Variants in LTBP1 observed in about 807,000 individuals in gnomAD.
LTBP1 encodes the protein latent-transforming growth factor beta-binding protein 1.
LTBP1 carries 129 observed loss-of-function variants against 207.6 expected under a neutral mutation model. That is an observed-to-expected ratio of 0.62 (90% CI 0.54 to 0.72). The LOEUF (loss-of-function observed/expected upper bound fraction) is 0.72. Among genes scored for constraint, LTBP1 ranks in the 30% least tolerant of loss-of-function variants. The pLI is 0.00. For synonymous variants in LTBP1, 963 were observed against 833.7 expected, an observed-to-expected ratio of 1.16 and a Z score of -2.67; for missense variants, 2,281 against 2,217.2, an observed-to-expected ratio of 1.03 and a Z score of -0.58.
At position 33,069,541 on chromosome 2, in the gene LTBP1, T is replaced by G. The variant is rs1369833757; in HGVS notation, c.864-41041T>G. Among the ~76,000 whole-genome samples, 3 of 152,192 alleles carry G rather than the reference T, an allele frequency of 2.0e-5. No homozygotes were observed. In the East Asian group the frequency reaches 5.8e-4, roughly 29 times the overall value. On this transcript the variant is annotated intron_variant, in intron 3 of 33. Transcript: ENST00000404816. ...GGGGTGAACAGAGGGCAGGTCAATG[T>G]TACCTGCTGACCTTGAAACCCTTGG...
chr2:33,391,887 G>A (rs2095317535), intron 32 of LTBP1, among the ~76,000 whole-genome samples: 1 of 152,212 alleles, frequency 6.6e-6, no homozygotes, highest in Non-Finnish European at 1.5e-5. Context: ...AAATTGAGAT[G>A]CAGTTCCAAG....
chr2:33,358,181 C>T (rs2094886875), intron 26 of LTBP1, among the ~76,000 whole-genome samples: 1 of 152,056 alleles, frequency 6.6e-6, no homozygotes, highest in African/African-American at 2.4e-5. Flanking sequence ...GCTGTATAAA[C>T]ATTGAACTTT....
At chr2:33,282,062 CATATATATAT>C (rs66505403) in intron 19 of LTBP1, among the ~76,000 whole-genome samples, 11 of 142,872 alleles carry the variant, frequency 7.7e-5, no homozygotes, top group Admixed American at 5.0e-4. Context: ...CCTATATGTG[CATATATATAT>C]ATATATATAT....
chr2:33,046,477 G>T (rs190327331), intron 3 of LTBP1, among the ~76,000 whole-genome samples: 2 of 152,156 alleles, frequency 1.3e-5, no homozygotes, highest in Non-Finnish European at 2.9e-5. Context: ...CTTGATCGTG[G>T]TGGATAAGCT....
intron 24 of LTBP1, among the ~76,000 whole-genome samples, chr2:33,339,834 G>A (rs1292350767): frequency 2.6e-5 from 4 of 151,692 alleles, no homozygotes; most frequent in African/African-American, 7.3e-5. Context: ...TAGTAGAGAC[G>A]GGGTTTCTCC....
At chr2:33,232,292 G>A (rs1443577861) in intron 9 of LTBP1, among the ~76,000 whole-genome samples, 1 of 152,162 alleles carries the variant, frequency 6.6e-6, no homozygotes, top group African/African-American at 2.4e-5. Context: ...GACAAATACA[G>A]AAGCATACAT....
intron 24 of LTBP1, among the ~76,000 whole-genome samples, chr2:33,330,166 A>G (rs1186846149): frequency 6.6e-6 from 1 of 152,002 alleles, no homozygotes; most frequent in Non-Finnish European, 1.5e-5. Flanking sequence ...TTACCCTTAT[A>G]ATTGTTTGTT....
At chr2:33,355,729 T>A (rs528825466) in intron 26 of LTBP1, among the ~76,000 whole-genome samples, 2 of 152,128 alleles carry the variant, frequency 1.3e-5, no homozygotes, top group Non-Finnish European at 2.9e-5. Context: ...CCCAGGCTCA[T>A]TTTCTCCAAT....
intron 3 of LTBP1, chr2:33,056,485 T>G: frequency 5.0e-6 from 4 of 804,508 alleles, no homozygotes; most frequent in South Asian, 2.2e-5. Context: ...TGATGAGGGA[T>G]GATGCGCGTC....
chr2:33,206,441 G>T (rs1366269826), intron 7 of LTBP1, among the ~76,000 whole-genome samples: 1 of 152,096 alleles, frequency 6.6e-6, no homozygotes, highest in African/African-American at 2.4e-5. Context: ...CAATATGGTT[G>T]TAGAAATAAG....
At chr2:33,207,430 A>G (rs2089967843) in intron 7 of LTBP1, among the ~76,000 whole-genome samples, 2 of 152,284 alleles carry the variant, frequency 1.3e-5, no homozygotes, top group South Asian at 4.1e-4. Flanking sequence ...ATATCAGAGG[A>G]TTATAGTTGT....
intron 24 of LTBP1, among the ~76,000 whole-genome samples, chr2:33,339,198 G>A (rs1325547914): frequency 6.6e-6 from 1 of 152,050 alleles, no homozygotes; most frequent in Admixed American, 6.6e-5. Context: ...GATTGGATTT[G>A]CTGATGAAGG....
At position 33,399,393 on chromosome 2, in the gene LTBP1, CAT is replaced by C. The variant is rs2095386271; in HGVS notation, c.*849_*850del. 6.6e-6 allele frequency: 1 copy of C among 152,146 alleles called. No individual in the cohort carries two copies. The highest frequency in any genetic ancestry group is 2.4e-5 in the African/African-American group (1 of 41,418). The allele number at this position is 152,146 out of a possible 1,614,324, so 9.4% of individuals were successfully genotyped here. A position where few individuals can be genotyped will look rare whatever the true frequency, so the allele number is the denominator to read the frequency against. The stretch of plus-strand genomic sequence containing the variant: ...ACCTGAGAGTAATTGTCAATGAGTA[CAT>C]GTGTATAAGTTGTATCCCACTCTCC... On this transcript the variant is annotated 3_prime_UTR_variant, in exon 34 of 34. Coordinates refer to ENST00000404816, the MANE Select transcript of LTBP1 (RefSeq NM_206943.4).
intron 14 of LTBP1, 27 bp from the exon 15 acceptor site, chr2:33,263,267 C>CT (rs776254629): frequency 2.8e-6 from 4 of 1,440,020 alleles, no homozygotes; most frequent in Non-Finnish European, 3.9e-6. Flanking sequence ...CTTTAATTTT[C>CT]TTTTTATCCT....
At chr2:33,043,950 G>T (rs545607496) in intron 3 of LTBP1, among the ~76,000 whole-genome samples, 1 of 152,082 alleles carries the variant, frequency 6.6e-6, no homozygotes, top group Non-Finnish European at 1.5e-5. Context: ...GAGAAGGCAG[G>T]CTGTGCCCTA....
In LTBP1 at chr2:33,182,729, CACACACAGACAT is replaced by C. The variant is rs1353547879; in HGVS notation, c.1202-4125_1202-4114del. The stretch of plus-strand genomic sequence containing the variant: ...ACACACACACACACACACACACACA[CACACACAGACAT>C]ATATATGTATGTATGTGTACACATA... On this transcript the variant is annotated intron_variant, in intron 5 of 33. Transcript: ENST00000404816. Among the ~76,000 whole-genome samples, 26 of 97,728 alleles carry C rather than the reference CACACACAGACAT, an allele frequency of 2.7e-4. 7 individuals carry two copies. The highest frequency in any genetic ancestry group is 3.9e-4 in the Non-Finnish European group (18 of 46,132). 64.1% of individuals were successfully genotyped at this position (97,728 alleles called of 152,430 possible).
intron 7 of LTBP1, among the ~76,000 whole-genome samples, chr2:33,195,677 T>G (rs938420550): frequency 2.0e-5 from 3 of 152,222 alleles, no homozygotes; most frequent in Admixed American, 2.0e-4. Flanking sequence ...ACAATGGATT[T>G]AGAATACGCT....
intron 25 of LTBP1, among the ~76,000 whole-genome samples, chr2:33,345,209 C>A (rs2094686299): frequency 6.6e-6 from 1 of 152,234 alleles, no homozygotes; most frequent in Admixed American, 6.5e-5. Context: ...AACCCACCCC[C>A]ACATTTAAGG....
At chr2:33,117,796 G>GT (rs954451738) in intron 4 of LTBP1, among the ~76,000 whole-genome samples, 1 of 152,166 alleles carries the variant, frequency 6.6e-6, no homozygotes, top group African/African-American at 2.4e-5. Context: ...GGCAGATATA[G>GT]TAAGTGTAGA....
Sources: gnomAD v4.1 joint callset for allele counts (sites outside exome capture counted in the v4.1 genomes callset) on GRCh38, gnomAD v4.1.1 for gene constraint, MANE v1.5 for transcripts, NCBI Gene and HGNC (gene_info 2026-07-23, HGNC 2026-07-21) for gene names.